The following HSD11B2 variants were observed in gnomAD, a reference collection of about 807,000 sequenced individuals.
HSD11B2 encodes the protein hydroxysteroid 11-beta dehydrogenase 2, also known as 11-beta-hydroxysteroid dehydrogenase type 2.
A neutral mutation model predicts 20.9 loss-of-function variants in HSD11B2; 17 were observed. That is an observed-to-expected ratio of 0.81 (90% CI 0.56 to 1.22). The LOEUF (loss-of-function observed/expected upper bound fraction) is 1.22, where lower values mean the gene tolerates loss of function less well. Among genes scored for constraint, HSD11B2 ranks in the 50% most tolerant of loss-of-function variants. The probability of loss-of-function intolerance (pLI) is 0.00; values close to 1 mark genes in which losing one functional copy is unlikely to be tolerated. For synonymous variants in HSD11B2, 253 were observed against 255.4 expected, an observed-to-expected ratio of 0.99 and a Z score of 0.09; for missense variants, 480 against 563.6, an observed-to-expected ratio of 0.85 and a Z score of 1.50.
chr16:67,431,677 C>G (rs995445465), intron 1 of HSD11B2, among the ~76,000 whole-genome samples, 164 bp downstream of exon 1: 1 of 152,188 alleles, frequency 6.6e-6, no homozygotes. Context: ...TAGGGAGCGC[C>G]GGGCACCTCC....
At chr16:67,435,888 A>T in intron 2 of HSD11B2, 48 bp downstream of exon 2, 2 of 1,613,484 alleles carry the variant, frequency 1.2e-6, no homozygotes, top group Non-Finnish European at 1.7e-6. Context: ...GGGAGTGGGA[A>T]GGACACGGGG....
At chr16:67,435,889 GGACA>G in intron 2 of HSD11B2, 49 bp downstream of exon 2, 1 of 1,613,484 alleles carries the variant, frequency 6.2e-7, no homozygotes, top group Admixed American at 1.7e-5. Flanking sequence ...GGAGTGGGAA[GGACA>G]CGGGGACTGG....
rs142073122 is a variant in HSD11B2 at position 67,436,009 on chromosome 16, G to A, written c.531G>A (p.Ala177=). The stretch of plus-strand genomic sequence containing the variant: ...GCCACAATGAAGTAGTTGCTGATGC[G>A]GAGCTGTCTCCAGTGGCCACTTTCC... ...NAGHNEVVAD[A]ELSPVATFRS... Residue 177 remains alanine (A), a synonymous_variant, in exon 3 of 5, where the codon GCG becomes GCA. Transcript: ENST00000326152. This position sits in a 1 kb window ranked among gnomAD's most constrained non-coding sequence, Gnocchi z 5.7. 1.6e-5 allele frequency: 26 copies of A among 1,614,102 alleles called. No individual in the cohort carries two copies. Among genetic ancestry groups the A allele is most frequent in the East Asian group, 4.5e-5 (2 of 44,890 alleles).
chr16:67,431,299 C>A lies in HSD11B2; in HGVS notation c.51C>A (p.Ala17=). The change falls in exon 1 of 5, where the codon GCC becomes GCA. Residue 17 remains alanine (A), a synonymous_variant. Coordinates refer to ENST00000326152, the MANE Select transcript of HSD11B2 (RefSeq NM_000196.4). ...PSGGAWLLVA[A]RALLQLLRSD... ...GCGGCGCCTGGCTGCTCGTGGCTGC[C>A]CGCGCGCTGCTGCAGCTGCTGCGCT... 7.9e-7 allele frequency: 1 copy of A among 1,264,688 alleles called. No homozygotes were observed. The highest frequency in any genetic ancestry group is 1.0e-6 in the Non-Finnish European group (1 of 994,898). 78.3% of individuals were successfully genotyped at this position (1,264,688 alleles called of 1,614,324 possible).
At chr16:67,430,600 C>A, upstream of HSD11B2, 1 of 153,338 alleles carries the variant, frequency 6.5e-6, no homozygotes, top group South Asian at 1.8e-4. The surrounding 1 kb of genome is among the most constrained non-coding windows in gnomAD (Gnocchi z 5.4). Flanking sequence ...CTGGCGCAGC[C>A]GACCACGTGG....
chr16:67,437,465 A>G lies in HSD11B2; in HGVS notation c.*462A>G, dbSNP rs1187319773. The G allele has an allele frequency of 4.8e-6, 1 of 206,728 alleles. No individual in the cohort carries two copies. Among genetic ancestry groups the G allele is most frequent in the African/African-American group, 2.3e-5 (1 of 43,116 alleles). 12.8% of individuals were successfully genotyped at this position (206,728 alleles called of 1,614,324 possible). On this transcript the variant is annotated 3_prime_UTR_variant, in exon 5 of 5. Coordinates refer to ENST00000326152, the MANE Select transcript of HSD11B2 (RefSeq NM_000196.4). ...GACTGGCTCAAGAATTAGGGCCCCA[A>G]CTACACACCCCCAAGCCACAGGGAA...
chr16:67,432,118 C>T (rs1443595334), intron 1 of HSD11B2, among the ~76,000 whole-genome samples: 1 of 152,106 alleles, frequency 6.6e-6, no homozygotes, highest in African/African-American at 2.4e-5. Context: ...CTACACCCAG[C>T]ACCCCACCCC....
intron 1 of HSD11B2, among the ~76,000 whole-genome samples, chr16:67,433,495 G>A (rs1417826309): frequency 6.6e-6 from 1 of 152,074 alleles, no homozygotes; most frequent in African/African-American, 2.4e-5. Flanking sequence ...CATCCAGCCA[G>A]GTTGGAAGTG....
At chr16:67,430,029 A>G (rs937120568), upstream of HSD11B2, among the ~76,000 whole-genome samples, 5 of 151,800 alleles carry the variant, frequency 3.3e-5, no homozygotes, top group African/African-American at 4.8e-5. This position sits in a 1 kb window ranked among gnomAD's most constrained non-coding sequence, Gnocchi z 5.4. Context: ...GTCGAGGGCT[A>G]CACCTACTGC....
At chr16:67,431,881 T>C (rs1409887686) in intron 1 of HSD11B2, among the ~76,000 whole-genome samples, 3 of 152,114 alleles carry the variant, frequency 2.0e-5, no homozygotes, top group Admixed American at 6.5e-5. Context: ...GGGAGGATCG[T>C]TACCCCTTGA....
chr16:67,431,648 G>A (rs1272847380), intron 1 of HSD11B2, 135 bp downstream of exon 1: 6 of 1,000,532 alleles, frequency 6.0e-6, no homozygotes, highest in Admixed American at 4.6e-5. Context: ...CCACCCCTGG[G>A]TGCAGGGAGC....
chr16:67,436,469 T>C lies in HSD11B2; in HGVS notation c.802+83T>C. On this transcript the variant is annotated intron_variant, in intron 4 of 4. Transcript: ENST00000326152. This position sits in a 1 kb window ranked among gnomAD's most constrained non-coding sequence, Gnocchi z 5.7. Reference sequence around the variant, plus strand: ...ATGGGGGCAGGTCAGGTTTGATGAATGGTCATGGTTTTGGTTGGGGGTGTA... The same window carrying C: ...ATGGGGGCAGGTCAGGTTTGATGAACGGTCATGGTTTTGGTTGGGGGTGTA... 1 of 1,533,170 alleles carries C rather than the reference T, an allele frequency of 6.5e-7. No homozygotes were observed. The highest frequency in any genetic ancestry group is 1.2e-5 in the South Asian group (1 of 84,738). The allele number at this position is 1,533,170 out of a possible 1,614,324, so 95.0% of individuals were successfully genotyped here.
chr16:67,431,213 CCCCCG>C lies in HSD11B2; in HGVS notation c.-21_-17del, dbSNP rs1017675653. 6.9e-5 allele frequency: 78 copies of C among 1,130,210 alleles called. No homozygotes were observed. The highest frequency in any genetic ancestry group is 2.3e-4 in the South Asian group (6 of 26,298). 70.0% of individuals were successfully genotyped at this position (1,130,210 alleles called of 1,614,324 possible). ...TCTCTCTCCCCGCTCCCCGGCCCGGCCCCCGCCCCGCCCCGCCCCAGCCCGCTGGG... is the reference window on the plus strand; with the variant it reads ...TCTCTCTCCCCGCTCCCCGGCCCGGCCCCCGCCCCGCCCCAGCCCGCTGGG... On this transcript the variant is annotated 5_prime_UTR_variant, in exon 1 of 5. Transcript: ENST00000326152.
chr16:67,432,793 G>C (rs1338006240), intron 1 of HSD11B2: 1 of 152,352 alleles, frequency 6.6e-6, no homozygotes, highest in African/African-American at 2.4e-5. Context: ...GGAAGCATTC[G>C]GGCTGGACAG....
At chr16:67,431,856 C>T (rs2040936092) in intron 1 of HSD11B2, among the ~76,000 whole-genome samples, 1 of 152,146 alleles carries the variant, frequency 6.6e-6, no homozygotes, top group South Asian at 2.1e-4. Flanking sequence ...CAGGGGACTT[C>T]GGAGGCCTTG....
rs1329450118 is a variant in HSD11B2, at chr16:67,436,140, C to T, written c.662C>T (p.Ala221Val). ...RGRIVTVGSP[A>V]GDMPYPCLGA... The stretch of plus-strand genomic sequence containing the variant: ...CGCATCGTGACTGTGGGGAGCCCAG[C>T]GGGTGAGTGCCCCCCCCCACTGGAG... Residue 221 changes from alanine to valine, a missense_variant and splice_region_variant, in exon 3 of 5, where the codon GCG becomes GTG. Ala to Val is a moderately conservative substitution (Grantham distance 64). Around this residue, in one of 2 missense-constraint regions of HSD11B2, gnomAD observed 374 missense variants for 480.9 expected, o/e 0.78. Transcript: ENST00000326152. This position sits in a 1 kb window ranked among gnomAD's most constrained non-coding sequence, Gnocchi z 5.7. The T allele has an allele frequency of 8.1e-6, 13 of 1,613,438 alleles. No individual in the cohort carries two copies. Among genetic ancestry groups the T allele is most frequent in the African/African-American group, 4.0e-5 (3 of 74,866 alleles).
chr16:67,436,563 T>A lies in HSD11B2; in HGVS notation c.803-25T>A, dbSNP rs747139146. 2 of 1,613,668 alleles carry A rather than the reference T, an allele frequency of 1.2e-6. No individual in the cohort carries two copies. Among genetic ancestry groups the A allele is most frequent in the South Asian group, 2.2e-5 (2 of 91,026 alleles). On this transcript the variant is annotated intron_variant, in intron 4 of 4. Coordinates refer to ENST00000326152, the MANE Select transcript of HSD11B2 (RefSeq NM_000196.4). This position sits in a 1 kb window ranked among gnomAD's most constrained non-coding sequence, Gnocchi z 5.7. ...CTTTGGCTCCCCTAGCTGATCCCAC[T>A]CTGACCTTGCCACTCCTTCCCCAGA... is the stretch of plus-strand genomic sequence containing the variant.
At position 67,437,385 on chromosome 16, in the gene HSD11B2, T is replaced by G; in HGVS notation, c.*382T>G. On this transcript the variant is annotated 3_prime_UTR_variant, in exon 5 of 5. Transcript: ENST00000326152. The stretch of plus-strand genomic sequence containing the variant: ...GGTTGGGGACCCCCTCAGGATTGTT[T>G]CTCGGCACCAGTGCCTCAGTGCTGC... The G allele has an allele frequency of 3.2e-6, 1 of 316,218 alleles. No individual in the cohort carries two copies. The highest frequency in any genetic ancestry group is 5.9e-6 in the Non-Finnish European group (1 of 168,124). 19.6% of individuals were successfully genotyped at this position (316,218 alleles called of 1,614,324 possible).
At position 67,431,464 on chromosome 16, in the gene HSD11B2, G is replaced by C. The variant is rs2040933046; in HGVS notation, c.216G>C (p.Leu72=). Residue 72 remains leucine, a synonymous_variant, in exon 1 of 5, where the codon CTG becomes CTC. Transcript: ENST00000326152. ...CCGGCTGGATCGCGTTGTCCCGCCT[G>C]GCGCGCCCGCAGCGCCTGCCGGTGG... The part of the protein sequence containing the change: ...AAAGWIALSR[L]ARPQRLPVAT... 1 of 1,392,574 alleles carries C rather than the reference G, an allele frequency of 7.2e-7. No homozygotes were observed. Among genetic ancestry groups the C allele is most frequent in the African/African-American group, 1.5e-5 (1 of 67,112 alleles). The allele number at this position is 1,392,574 out of a possible 1,614,324, so 86.3% of individuals were successfully genotyped here. A position where few individuals can be genotyped will look rare whatever the true frequency, so the allele number is the denominator to read the frequency against.
Sources: gnomAD v4.1 joint callset for allele counts (sites outside exome capture counted in the v4.1 genomes callset) on GRCh38, gnomAD v4.1.1 for gene constraint, gnomAD v4.1.1 regional missense constraint, Gnocchi (gnomAD v3.1) non-coding constraint, MANE v1.5 for transcripts, NCBI Gene and HGNC (gene_info 2026-07-23, HGNC 2026-07-21) for gene names.